The following GRIK4 variants were observed in gnomAD, a reference collection of about 807,000 sequenced individuals.
The protein encoded by GRIK4 is glutamate ionotropic receptor kainate type subunit 4.
GRIK4 carries 40 observed loss-of-function variants against 104.9 expected under a neutral mutation model. That is an observed-to-expected ratio of 0.38 (90% confidence interval 0.30 to 0.50). The LOEUF is 0.50. Among genes scored for constraint, GRIK4 ranks in the 20% least tolerant of loss-of-function variants. GRIK4 has a pLI of 0.93. For synonymous variants in GRIK4, 485 were observed against 524.9 expected, an observed-to-expected ratio of 0.92 and a Z score of 1.04; for missense variants, 1,047 against 1,308.1, an observed-to-expected ratio of 0.80 and a Z score of 3.08.
intron 1 of GRIK4, among the ~76,000 whole-genome samples, chr11:120,577,184 G>T (rs1017772645): frequency 1.3e-5 from 2 of 152,184 alleles, no homozygotes; most frequent in African/African-American, 4.8e-5. Flanking sequence ...CCTCACCTTG[G>T]TGCATATGTG....
chr11:120,612,224 G>A (rs1591738185), intron 1 of GRIK4, among the ~76,000 whole-genome samples: 1 of 152,252 alleles, frequency 6.6e-6, no homozygotes, highest in African/African-American at 2.4e-5. Flanking sequence ...ACCACCATGG[G>A]TCCATCTATA....
At position 120,810,956 on chromosome 11, in the gene GRIK4, AG is replaced by A. The variant is rs138350672; in HGVS notation, c.248-4418del. ...TGGAAAGAAATGCTACATTTCACTT[AG>A]GGGTTAGAGAAAAGAATGATGTAAT... On this transcript the variant is annotated intron_variant, in intron 4 of 20. Coordinates refer to ENST00000527524, the MANE Select transcript of GRIK4 (RefSeq NM_014619.5). 1.6e-4 allele frequency among the ~76,000 whole-genome samples: 25 copies of A among 152,316 alleles called. 1 individual carries two copies. In the East Asian group the frequency reaches 4.2e-3, roughly 26 times the overall value.
chr11:120,963,211 G>T (rs890543393), intron 18 of GRIK4, among the ~76,000 whole-genome samples: 1 of 152,212 alleles, frequency 6.6e-6, no homozygotes, highest in Non-Finnish European at 1.5e-5. Flanking sequence ...TCCATCTATG[G>T]TAGGTCGGTG....
chr11:120,742,526 A>ATTTTT (rs138311151), intron 3 of GRIK4, among the ~76,000 whole-genome samples: 1 of 146,264 alleles, frequency 6.8e-6, no homozygotes, highest in African/African-American at 2.6e-5. Context: ...TATTATTATT[A>ATTTTT]TTTTTTTTTG....
intron 1 of GRIK4, among the ~76,000 whole-genome samples, chr11:120,543,302 G>A (rs540902652): frequency 2.6e-4 from 39 of 152,256 alleles, no homozygotes; most frequent in African/African-American, 7.0e-4. Context: ...CTAGGCCTGG[G>A]TGTGGTGGCT....
chr11:120,784,207 C>G (rs996877875), intron 3 of GRIK4, among the ~76,000 whole-genome samples: 1 of 152,124 alleles, frequency 6.6e-6, no homozygotes, highest in Non-Finnish European at 1.5e-5. Flanking sequence ...ATTGTGGGGC[C>G]CTAGCTTGGA....
At chr11:120,900,669 G>C (rs986285081) in intron 12 of GRIK4, among the ~76,000 whole-genome samples, 2 of 152,180 alleles carry the variant, frequency 1.3e-5, no homozygotes, top group Non-Finnish European at 2.9e-5. Context: ...CTCCGAGAAA[G>C]GGAGCATTGA....
rs541788018 is a variant in GRIK4 at position 120,842,982 on chromosome 11, AAAGAT to A, written c.744+6144_744+6148del. 1.8e-3 allele frequency among the ~76,000 whole-genome samples: 274 copies of A among 152,366 alleles called. 1 individual carries two copies. The highest frequency in any genetic ancestry group is 6.3e-3 in the African/African-American group (263 of 41,584). On this transcript the variant is annotated intron_variant, in intron 8 of 20. Transcript: ENST00000527524. Reference sequence around the variant, plus strand: ...AGATATGCAGTCACTGCCTAACAGAAAAGATAAGATCACCCTAATCTATTATCAGA... The same window carrying A: ...AGATATGCAGTCACTGCCTAACAGAAAAGATCACCCTAATCTATTATCAGA...
At chr11:120,610,460 C>G (rs1949021861) in intron 1 of GRIK4, among the ~76,000 whole-genome samples, 1 of 152,144 alleles carries the variant, frequency 6.6e-6, no homozygotes. Flanking sequence ...CTGTGTGTTG[C>G]TGGGAGAGGG....
intron 1 of GRIK4, among the ~76,000 whole-genome samples, chr11:120,625,374 AG>A (rs1274684609): frequency 1.3e-5 from 2 of 152,136 alleles, no homozygotes; most frequent in East Asian, 3.8e-4. Context: ...CCGGCCGGAA[AG>A]GGGACACAGA....
chr11:120,918,383 T>A (rs922267217), intron 13 of GRIK4, among the ~76,000 whole-genome samples: 2 of 152,214 alleles, frequency 1.3e-5, no homozygotes, highest in Non-Finnish European at 2.9e-5. Context: ...CTAGATGCAT[T>A]GATTCCATAT....
rs1948116837 is a variant in GRIK4, at chr11:120,549,303, T to C, written c.-159+37416T>C. 6.6e-6 allele frequency among the ~76,000 whole-genome samples: 1 copy of C among 152,146 alleles called. No individual in the cohort carries two copies. The highest frequency in any genetic ancestry group is 6.5e-5 in the Admixed American group (1 of 15,276). ...TTTTTTTTTAAGTAAAGTCGGGCTT[T>C]CACCATGTTGGCCAGGCTGGTCTCA... On this transcript the variant is annotated intron_variant, in intron 1 of 20. Coordinates refer to ENST00000527524, the MANE Select transcript of GRIK4 (RefSeq NM_014619.5). This position sits in a 1 kb window ranked among gnomAD's most constrained non-coding sequence, Gnocchi z 4.7.
At chr11:120,793,199 C>A (rs576561739) in intron 3 of GRIK4, among the ~76,000 whole-genome samples, 1 of 152,126 alleles carries the variant, frequency 6.6e-6, no homozygotes, top group South Asian at 2.1e-4. Flanking sequence ...GTGGTGGGGA[C>A]GGAAGGCAGA....
rs1371423874 is a variant in GRIK4 at position 120,524,260 on chromosome 11, C to T, written c.-159+12373C>T. On this transcript the variant is annotated intron_variant, in intron 1 of 20. Transcript: ENST00000527524. The surrounding 1 kb of genome is among the most constrained non-coding windows in gnomAD (Gnocchi z 4.5). ...TCTTTCCCCAACAACCAGAACAGCA[C>T]TGGGTGCTCAGTATGCGTTTAGTGG... Among the ~76,000 whole-genome samples the T allele has an allele frequency of 2.6e-5, 4 of 152,178 alleles. No homozygotes were observed. Among genetic ancestry groups the T allele is most frequent in the Non-Finnish European group, 5.9e-5 (4 of 68,014 alleles).
intron 3 of GRIK4, among the ~76,000 whole-genome samples, chr11:120,674,014 G>C (rs1950061532): frequency 1.3e-5 from 2 of 152,280 alleles, no homozygotes; most frequent in South Asian, 4.2e-4. Flanking sequence ...GGGCCATACA[G>C]AACAGGCCTG....
chr11:120,778,558 T>C (rs1381263951), intron 3 of GRIK4, among the ~76,000 whole-genome samples: 1 of 152,258 alleles, frequency 6.6e-6, no homozygotes, highest in East Asian at 1.9e-4. Context: ...TGATTTACCC[T>C]TTGGGTCTGC....
intron 3 of GRIK4, among the ~76,000 whole-genome samples, chr11:120,739,086 C>T (rs997856380): frequency 4.6e-5 from 7 of 152,216 alleles, no homozygotes; most frequent in Non-Finnish European, 7.3e-5. Flanking sequence ...CCTTGGTCCA[C>T]ACCAGCCTGG....
chr11:120,620,010 A>AC, intron 1 of GRIK4: 2 of 489,332 alleles, frequency 4.1e-6, no homozygotes, highest in Non-Finnish European at 3.8e-6. Flanking sequence ...ATCTCGGTGG[A>AC]GCTGTTAGCG....
chr11:120,603,650 G>C (rs1207791810), intron 1 of GRIK4, among the ~76,000 whole-genome samples: 3 of 152,164 alleles, frequency 2.0e-5, no homozygotes, highest in African/African-American at 7.2e-5. Flanking sequence ...AACACATGCC[G>C]GGCATAGGGC....
Sources: allele counts gnomAD v4.1 joint callset (sites outside exome capture counted in the v4.1 genomes callset), GRCh38; gene constraint gnomAD v4.1.1; non-coding constraint Gnocchi (gnomAD v3.1); transcripts MANE v1.5; gene names NCBI Gene and HGNC (gene_info 2026-07-23, HGNC 2026-07-21).